Variants in MORN5 observed in about 807,000 individuals in gnomAD.
MORN5 encodes the protein MORN repeat-containing protein 5.
A neutral mutation model predicts 22.1 loss-of-function variants in MORN5; 21 were observed. That is an observed-to-expected ratio of 0.95 (90% CI 0.67 to 1.37). The LOEUF is 1.37. MORN5 is among the 40% of genes most tolerant of loss of function. The pLI, the probability that MORN5 is intolerant of heterozygous loss-of-function variation, is 0.00. For synonymous variants in MORN5, 73 were observed against 74.0 expected (o/e 0.99, Z 0.07); for missense variants, 211 against 215.1 (o/e 0.98, Z 0.12).
At chr9:122,199,812 C>A in intron 4 of MORN5, 73 bp from the exon 5 acceptor site, 1 of 1,526,342 alleles carries the variant, frequency 6.6e-7, no homozygotes, top group Non-Finnish European at 9.1e-7. Context: ...AACGCCCCAC[C>A]TGGGGAACCC....
chr9:122,178,453 A>T (rs1371052725), intron 4 of MORN5, among the ~76,000 whole-genome samples: 1 of 152,186 alleles, frequency 6.6e-6, no homozygotes, highest in South Asian at 2.1e-4. Flanking sequence ...CCGCCACTGC[A>T]CTCCAGCCTG....
intron 4 of MORN5, among the ~76,000 whole-genome samples, chr9:122,198,922 T>C (rs1198854314): frequency 6.6e-6 from 1 of 152,130 alleles, no homozygotes. Flanking sequence ...AAAAACACAT[T>C]TGTACACAAA....
rs531216360 is a variant in MORN5 at position 122,186,730 on chromosome 9, G to C, written c.439+12103G>C. ...GGCAGCCTCCTGGAGGCATTCGAAG[G>C]ACACAGCTTCCCCTTCAGTAGCTGG... On this transcript the variant is annotated intron_variant, in intron 4 of 4. Coordinates refer to ENST00000373764, the MANE Select transcript of MORN5 (RefSeq NM_198469.4). 2.0e-5 allele frequency among the ~76,000 whole-genome samples: 3 copies of C among 152,170 alleles called. No homozygotes were observed. In the South Asian group the frequency reaches 6.2e-4, roughly 32 times the overall value.
intron 1 of MORN5, among the ~76,000 whole-genome samples, chr9:122,166,203 C>T (rs1829276293): frequency 6.6e-6 from 1 of 151,978 alleles, no homozygotes; most frequent in Admixed American, 6.6e-5. Flanking sequence ...CCTCCCATGA[C>T]ATGTGGGGAT....
At chr9:122,166,284 A>T (rs1246684686) in intron 1 of MORN5, among the ~76,000 whole-genome samples, 1 of 151,836 alleles carries the variant, frequency 6.6e-6, no homozygotes, top group African/African-American at 2.4e-5. Context: ...CCAAGATTAT[A>T]TATATATATA....
At chr9:122,178,210 C>A (rs1051561522) in intron 4 of MORN5, among the ~76,000 whole-genome samples, 1 of 152,044 alleles carries the variant, frequency 6.6e-6, no homozygotes, top group African/African-American at 2.4e-5. Context: ...CAAAACAGAC[C>A]GAGTGCAGTT....
At chr9:122,194,999 G>A (rs1446575352) in intron 4 of MORN5, among the ~76,000 whole-genome samples, 1 of 149,026 alleles carries the variant, frequency 6.7e-6, no homozygotes, top group Non-Finnish European at 1.5e-5. Flanking sequence ...CAGCCTGGGT[G>A]ACAGAGCAAA....
chr9:122,190,952 G>A (rs944076708), intron 4 of MORN5, among the ~76,000 whole-genome samples: 3 of 152,256 alleles, frequency 2.0e-5, no homozygotes, highest in Admixed American at 6.5e-5. Flanking sequence ...ACAAGCTGGG[G>A]AGCCTGCTTT....
chr9:122,191,134 G>A (rs556328124), intron 4 of MORN5, among the ~76,000 whole-genome samples: 13 of 152,322 alleles, frequency 8.5e-5, no homozygotes, highest in African/African-American at 2.9e-4. Flanking sequence ...TGGGTTGGAA[G>A]TGCCTCTGCT....
intron 2 of MORN5, among the ~76,000 whole-genome samples, chr9:122,169,252 C>T (rs1399916097): frequency 6.6e-6 from 1 of 152,222 alleles, no homozygotes; most frequent in Non-Finnish European, 1.5e-5. Context: ...ATCCCTTTCA[C>T]TTAACCCAGT....
At position 122,197,209 on chromosome 9, in the gene MORN5, G is replaced by A. The variant is rs1023840478; in HGVS notation, c.440-2676G>A. Among the ~76,000 whole-genome samples the A allele has an allele frequency of 1.3e-4, 20 of 152,144 alleles. No individual in the cohort carries two copies. The highest frequency in any genetic ancestry group is 2.1e-4 in the Non-Finnish European group (14 of 68,038). On this transcript the variant is annotated intron_variant, in intron 4 of 4. Coordinates refer to ENST00000373764, the MANE Select transcript of MORN5 (RefSeq NM_198469.4). This position sits in a 1 kb window ranked among gnomAD's most constrained non-coding sequence, Gnocchi z 5.7. ...TTCTCTCTGCACCACTGGCAGTTGT[G>A]CCAAGGGTAATAATTTACAATTGAT...
chr9:122,170,814 A>C (rs2118749922), intron 3 of MORN5, among the ~76,000 whole-genome samples: 1 of 152,298 alleles, frequency 6.6e-6, no homozygotes, highest in South Asian at 2.1e-4. Flanking sequence ...GACGTGTTCC[A>C]GGTCAGGTGA....
intron 4 of MORN5, among the ~76,000 whole-genome samples, chr9:122,196,118 C>T (rs1485523980): frequency 1.3e-5 from 2 of 151,876 alleles, no homozygotes; most frequent in Admixed American, 6.6e-5. Context: ...GCCACCATGC[C>T]CAGCTAATTT....
chr9:122,189,250 C>T (rs907120600), intron 4 of MORN5, among the ~76,000 whole-genome samples: 1 of 151,844 alleles, frequency 6.6e-6, no homozygotes, highest in African/African-American at 2.4e-5. Context: ...ATAAACACTA[C>T]TCATATGCAT....
intron 4 of MORN5, among the ~76,000 whole-genome samples, chr9:122,196,250 C>T (rs908499503): frequency 2.0e-5 from 3 of 151,894 alleles, no homozygotes; most frequent in East Asian, 1.9e-4. Context: ...TGAGCCACCA[C>T]GCCCAGCCAA....
At position 122,160,031 on chromosome 9, in the gene MORN5, AT is replaced by A. The variant is rs1430117842; in HGVS notation, c.47+15del. ...TATGTAGATGGGAGGTAAGGGGCTC[AT>A]TTGATTCACTTACTATACCTTGAAT... On this transcript the variant is annotated intron_variant, in intron 1 of 4. Coordinates refer to ENST00000373764, the MANE Select transcript of MORN5 (RefSeq NM_198469.4). 6.2e-7 allele frequency: 1 copy of A among 1,611,130 alleles called. No individual in the cohort carries two copies. Among genetic ancestry groups the A allele is most frequent in the Non-Finnish European group, 8.5e-7 (1 of 1,178,450 alleles).
intron 4 of MORN5, among the ~76,000 whole-genome samples, chr9:122,195,521 C>A (rs1035641765): frequency 6.6e-6 from 1 of 152,010 alleles, no homozygotes; most frequent in Admixed American, 6.6e-5. Flanking sequence ...TGTAGGATGC[C>A]CCTCAACTGG....
intron 4 of MORN5, chr9:122,174,992 C>T: frequency 8.6e-6 from 4 of 464,600 alleles, no homozygotes; most frequent in Non-Finnish European, 1.1e-5. Flanking sequence ...AGCCCCCCTT[C>T]CTTGTGGAGC....
chr9:122,190,050 C>T (rs776586425), intron 4 of MORN5, among the ~76,000 whole-genome samples: 79 of 152,076 alleles, frequency 5.2e-4, no homozygotes, highest in Non-Finnish European at 9.3e-4. Context: ...GAAGCACCTA[C>T]GGCTCCCACC....
Sources: gnomAD v4.1 joint callset for allele counts (sites outside exome capture counted in the v4.1 genomes callset) on GRCh38, gnomAD v4.1.1 for gene constraint, Gnocchi (gnomAD v3.1) non-coding constraint, MANE v1.5 for transcripts, NCBI Gene and HGNC (gene_info 2026-07-23, HGNC 2026-07-21) for gene names.